Variants in ZNF385B observed in about 807,000 individuals in gnomAD.
The protein encoded by ZNF385B is zinc finger protein 385B.
In ZNF385B, 23 loss-of-function variants were observed where a neutral mutation model predicts 39.2. That is an observed-to-expected ratio of 0.59 (90% CI 0.42 to 0.83). The LOEUF (loss-of-function observed/expected upper bound fraction) is 0.83. Among genes scored for constraint, ZNF385B ranks in the 40% least tolerant of loss-of-function variants. The pLI, the probability that ZNF385B is intolerant of heterozygous loss-of-function variation, is 0.00. For synonymous variants in ZNF385B, 205 were observed against 222.6 expected, an observed-to-expected ratio of 0.92 and a Z score of 0.70; for missense variants, 552 against 598.9, an observed-to-expected ratio of 0.92 and a Z score of 0.82.
intron 6 of ZNF385B, among the ~76,000 whole-genome samples, chr2:179,468,949 A>C (rs1451095893): frequency 4.6e-5 from 7 of 152,232 alleles, no homozygotes; most frequent in Non-Finnish European, 1.0e-4. Flanking sequence ...CCAATCCTTT[A>C]AAAATATATT....
At chr2:179,858,382 T>C (rs897152163) in intron 1 of ZNF385B, among the ~76,000 whole-genome samples, 1 of 151,966 alleles carries the variant, frequency 6.6e-6, no homozygotes, top group African/African-American at 2.4e-5. Context: ...GTCTCTTAGG[T>C]GGTTCAAAAT....
intron 1 of ZNF385B, among the ~76,000 whole-genome samples, chr2:179,858,684 A>C (rs1684791860): frequency 6.6e-6 from 1 of 152,046 alleles, no homozygotes; most frequent in Non-Finnish European, 1.5e-5. Flanking sequence ...TGGAGGGGTT[A>C]TAATAAAAAC....
In ZNF385B at chr2:179,442,917, G is replaced by A. The variant is rs965416525; in HGVS notation, c.*333C>T. 5.3e-6 allele frequency: 2 copies of A among 380,192 alleles called. No individual in the cohort carries two copies. The highest frequency in any genetic ancestry group is 8.2e-5 in the Admixed American group (2 of 24,448). The allele number at this position is 380,192 out of a possible 1,614,324, so 23.6% of individuals were successfully genotyped here. ...TGTTTTAAGCCAGATCATACCCATG[G>A]AAAAATAGAGAATGGTTTTCTTTCT... On this transcript the variant is annotated 3_prime_UTR_variant, in exon 10 of 10. Transcript: ENST00000410066.
intron 3 of ZNF385B, among the ~76,000 whole-genome samples, chr2:179,564,280 A>G (rs1486024511): frequency 1.3e-5 from 2 of 152,178 alleles, no homozygotes; most frequent in Non-Finnish European, 2.9e-5. Flanking sequence ...GGGATAAGGA[A>G]CACTTAAGCC....
At chr2:179,840,926 G>C (rs1708503149) in intron 1 of ZNF385B, among the ~76,000 whole-genome samples, 1 of 152,222 alleles carries the variant, frequency 6.6e-6, no homozygotes, top group Non-Finnish European at 1.5e-5. Flanking sequence ...TTGCTTTTCT[G>C]AGCTTTAAAG....
intron 1 of ZNF385B, among the ~76,000 whole-genome samples, chr2:179,782,848 GA>G (rs1209816719): frequency 2.0e-5 from 3 of 152,100 alleles, no homozygotes; most frequent in Non-Finnish European, 1.5e-5. Flanking sequence ...CAAATTAATG[GA>G]AAAACATCCC....
chr2:179,486,787 A>G (rs953764184), intron 5 of ZNF385B, among the ~76,000 whole-genome samples: 4 of 152,092 alleles, frequency 2.6e-5, no homozygotes, highest in African/African-American at 9.7e-5. Context: ...ATGATGGCAC[A>G]TGCCTGTAGT....
At chr2:179,675,146 C>A (rs537714432) in intron 3 of ZNF385B, among the ~76,000 whole-genome samples, 1 of 152,204 alleles carries the variant, frequency 6.6e-6, no homozygotes, top group Admixed American at 6.5e-5. Context: ...TTTTATATAG[C>A]AGATGTATTA....
At chr2:179,845,885 A>G (rs1708774844) in intron 1 of ZNF385B, among the ~76,000 whole-genome samples, 1 of 152,242 alleles carries the variant, frequency 6.6e-6, no homozygotes, top group African/African-American at 2.4e-5. Flanking sequence ...CCATTTAATT[A>G]TCGGGACACT....
At chr2:179,523,877 G>T (rs1164566139) in intron 4 of ZNF385B, among the ~76,000 whole-genome samples, 1 of 152,126 alleles carries the variant, frequency 6.6e-6, no homozygotes, top group Non-Finnish European at 1.5e-5. Context: ...TAAACTCATA[G>T]GATCAAATGA....
chr2:179,747,624 A>G (rs981513454), intron 3 of ZNF385B, among the ~76,000 whole-genome samples: 2 of 152,164 alleles, frequency 1.3e-5, no homozygotes, highest in African/African-American at 4.8e-5. Context: ...TATTATTACC[A>G]CACATGAAGC....
At chr2:179,470,855 T>G (rs907888429) in intron 6 of ZNF385B, among the ~76,000 whole-genome samples, 2 of 102,676 alleles carry the variant, frequency 1.9e-5, no homozygotes, top group African/African-American at 3.6e-5. Context: ...CAAACTTTGC[T>G]GTATGTCCCT....
chr2:179,623,603 A>T (rs770213698), intron 3 of ZNF385B, among the ~76,000 whole-genome samples: 1 of 152,126 alleles, frequency 6.6e-6, no homozygotes. Flanking sequence ...TCGGGGCAGG[A>T]ATGTAGTCCA....
At chr2:179,798,076 G>A (rs140035340) in intron 1 of ZNF385B, among the ~76,000 whole-genome samples, 2,456 of 152,062 alleles carry the variant, frequency 0.016, 66 homozygotes, top group African/African-American at 0.056. Context: ...GCCACGGAGG[G>A]ATCTTTTTTT....
At chr2:179,677,830 T>C (rs573484043) in intron 3 of ZNF385B, among the ~76,000 whole-genome samples, 346 of 152,204 alleles carry the variant, frequency 2.3e-3, no homozygotes, top group South Asian at 3.9e-3. Context: ...TAAAACACCA[T>C]TTGAGATTTT....
rs1476000358 is a variant in ZNF385B at position 179,505,192 on chromosome 2, G to A, written c.552+13336C>T. Among the ~76,000 whole-genome samples the A allele has an allele frequency of 3.3e-5, 5 of 151,820 alleles. No individual in the cohort carries two copies. The East Asian group carries it at 7.7e-4, about 23-fold the overall frequency. On this transcript the variant is annotated intron_variant, in intron 5 of 9. Coordinates refer to ENST00000410066, the MANE Select transcript of ZNF385B (RefSeq NM_152520.6). The stretch of plus-strand genomic sequence containing the variant: ...AGAGGTTACTTGACTGTATACATTC[G>A]TCAAACTCATATTCATGAATCTCAC...
At chr2:179,744,663 AC>A (rs145583222) in intron 3 of ZNF385B, among the ~76,000 whole-genome samples, 4,040 of 152,240 alleles carry the variant, frequency 0.027, 168 homozygotes, top group African/African-American at 0.092. Context: ...AAGCTATAAA[AC>A]AGCTGCCTCA....
rs147807143 is a variant in ZNF385B at position 179,475,354 on chromosome 2, C to T, written c.715+7918G>A. Among the ~76,000 whole-genome samples, 692 of 150,650 alleles carry T rather than the reference C, an allele frequency of 4.6e-3. 8 individuals carry two copies. The highest frequency in any genetic ancestry group is 0.016 in the African/African-American group (661 of 40,968). ...CAACCTCCACCTCCTAGGGTTTGAGCGATTCTCCTGCCTCAGCCTCCTGAG... is the reference window on the plus strand; with the variant it reads ...CAACCTCCACCTCCTAGGGTTTGAGTGATTCTCCTGCCTCAGCCTCCTGAG... On this transcript the variant is annotated intron_variant, in intron 6 of 9. Transcript: ENST00000410066.
chr2:179,452,484 T>G (rs746272487), intron 6 of ZNF385B, among the ~76,000 whole-genome samples: 2 of 151,668 alleles, frequency 1.3e-5, no homozygotes, highest in Non-Finnish European at 2.9e-5. Context: ...GGAAGAGTCA[T>G]GTCCATACCT....
Sources: gnomAD v4.1 joint callset for allele counts (sites outside exome capture counted in the v4.1 genomes callset) on GRCh38, gnomAD v4.1.1 for gene constraint, MANE v1.5 for transcripts, NCBI Gene and HGNC (gene_info 2026-07-23, HGNC 2026-07-21) for gene names.